The following KMT5B variants were observed in gnomAD, a reference collection of about 807,000 sequenced individuals.
KMT5B encodes histone-lysine N-methyltransferase KMT5B.
In KMT5B, 10 loss-of-function variants were observed where a neutral mutation model predicts 83.2. That is an observed-to-expected ratio of 0.12 (90% confidence interval 0.07 to 0.20). KMT5B has a LOEUF of 0.20. Among genes scored for constraint, KMT5B ranks in the 10% least tolerant of loss-of-function variants. The pLI, the probability that KMT5B is intolerant of heterozygous loss-of-function variation, is 1.00. For missense variants in KMT5B, 753 were observed against 1,067.2 expected, an observed-to-expected ratio of 0.71 and a Z score of 4.10; for synonymous variants, 349 against 388.8, an observed-to-expected ratio of 0.90 and a Z score of 1.20.
In KMT5B at chr11:68,158,500, G is replaced by C; in HGVS notation, c.1846C>G (p.Gln616Glu). ...GCAAACTGTTTCACAAGTTTTCCTT[G>C]TCGTGACTTCTTTTTGGACATGCCT... ...DTGMSKKKSR[Q>E]GKLVKQFAKI... The change falls in exon 11 of 11, where the codon CAA becomes GAA. Residue 616 changes from glutamine to glutamate, a missense_variant. By Grantham distance (29) the Gln-to-Glu change is conservative (BLOSUM62 2). Around this residue, in one of 9 missense-constraint regions of KMT5B, gnomAD observed 397 missense variants for 395.9 expected, o/e 1.00. Coordinates refer to ENST00000304363, the MANE Select transcript of KMT5B (RefSeq NM_017635.5). The C allele has an allele frequency of 6.2e-7, 1 of 1,614,128 alleles. No homozygotes were observed. Among genetic ancestry groups the C allele is most frequent in the East Asian group, 2.2e-5 (1 of 44,884 alleles).
At chr11:68,170,970 G>T (rs1427566464) in intron 9 of KMT5B, 45 bp downstream of exon 9, 5 of 1,547,230 alleles carry the variant, frequency 3.2e-6, no homozygotes, top group Non-Finnish European at 3.5e-6. Flanking sequence ...TAATCAGGTT[G>T]TTAACAAAAA....
At position 68,180,144 on chromosome 11, in the gene KMT5B, T is replaced by C; in HGVS notation, c.365A>G (p.Asn122Ser). 6.3e-7 allele frequency: 1 copy of C among 1,578,312 alleles called. No homozygotes were observed. The highest frequency in any genetic ancestry group is 8.7e-7 in the Non-Finnish European group (1 of 1,152,304). ...HFSKSDSFSH[N>S]NPVRFRPIKG... The stretch of plus-strand genomic sequence containing the variant: ...ACACACTACCTACCTCACAGGGTTG[T>C]TGTGAGAAAAACTGTCAGATTTTGA... The change falls in exon 4 of 11, where the codon AAC becomes AGC. Residue 122 changes from asparagine (N) to serine (S), a missense_variant. This residue lies in a region of KMT5B where 71 missense variants were observed against 107.0 expected (regional missense o/e 0.66). Transcript: ENST00000304363.
Position 68,158,584 on chromosome 11 carries a change from C to T in KMT5B, c.1762G>A (p.Glu588Lys). Residue 588 changes from glutamate (E) to lysine (K), a missense_variant, in exon 11 of 11, where the codon GAA becomes AAA. By Grantham distance (56) the Glu-to-Lys change is moderately conservative (BLOSUM62 1). Around this residue, in one of 9 missense-constraint regions of KMT5B, gnomAD observed 397 missense variants for 395.9 expected, o/e 1.00. Transcript: ENST00000304363. ...QLQPAPVLQE[E>K]ELAHETAQKG... ...TGTGCAGTCTCATGAGCCAGTTCTT[C>T]CTCCTGCAGCACAGGAGCTGGCTGC... 1.2e-6 allele frequency: 2 copies of T among 1,614,178 alleles called. No individual in the cohort carries two copies. Among genetic ancestry groups the T allele is most frequent in the African/African-American group, 1.3e-5 (1 of 75,042 alleles).
At position 68,158,213 on chromosome 11, in the gene KMT5B, A is replaced by G. The variant is rs1859442386; in HGVS notation, c.2133T>C (p.Asn711=). 6.2e-7 allele frequency: 1 copy of G among 1,614,074 alleles called. No homozygotes were observed. Among genetic ancestry groups the G allele is most frequent in the Non-Finnish European group, 8.5e-7 (1 of 1,180,020 alleles). Reference sequence around the variant, plus strand: ...GAGTCAATTTGGGAATCCCAGAGTTATTTTCTAGGATTAACTGTGCATCAT... The same window carrying G: ...GAGTCAATTTGGGAATCCCAGAGTTGTTTTCTAGGATTAACTGTGCATCAT... ...TRYDAQLILE[N]NSGIPKLTLR... is the part of the protein sequence containing the mutation. The change falls in exon 11 of 11, where the codon AAT becomes AAC. Residue 711 remains asparagine, a synonymous_variant. Transcript: ENST00000304363.
chr11:68,209,804 G>A (rs901697381), intron 1 of KMT5B, among the ~76,000 whole-genome samples: 4 of 151,796 alleles, frequency 2.6e-5, no homozygotes, highest in African/African-American at 9.7e-5. Flanking sequence ...TGAGCCACGT[G>A]TACCACCTAG....
intron 1 of KMT5B, among the ~76,000 whole-genome samples, chr11:68,200,692 T>A (rs12801002): frequency 0.12 from 18,423 of 152,208 alleles, 1,269 homozygotes; most frequent in East Asian, 0.23. Flanking sequence ...GTTAAAAAAA[T>A]TTTTTTAAAC....
chr11:68,180,279 C>G, intron 3 of KMT5B, 79 bp from the exon 4 acceptor site: 1 of 1,499,698 alleles, frequency 6.7e-7, no homozygotes, highest in East Asian at 2.5e-5. Context: ...AACAGACTTA[C>G]AATATTCGTT....
chr11:68,163,928 A>C (rs1855070444), intron 10 of KMT5B, among the ~76,000 whole-genome samples: 1 of 152,150 alleles, frequency 6.6e-6, no homozygotes, highest in Non-Finnish European at 1.5e-5. Flanking sequence ...CCTCTGGCCG[A>C]TTCTTCTGGG....
intron 4 of KMT5B, among the ~76,000 whole-genome samples, chr11:68,178,140 C>T (rs1448905471): frequency 6.6e-6 from 1 of 152,150 alleles, no homozygotes; most frequent in African/African-American, 2.4e-5. Flanking sequence ...AATGACAGGG[C>T]TACAAACGAC....
At chr11:68,204,146 A>C (rs575838579) in intron 1 of KMT5B, among the ~76,000 whole-genome samples, 2 of 152,260 alleles carry the variant, frequency 1.3e-5, no homozygotes, top group African/African-American at 4.8e-5. Context: ...CTGCCCTTTC[A>C]GAATAAAACG....
chr11:68,183,817 AC>A (rs1475820582), intron 3 of KMT5B, among the ~76,000 whole-genome samples: 1 of 142,344 alleles, frequency 7.0e-6, no homozygotes, highest in African/African-American at 2.6e-5. Context: ...GCACCACCAC[AC>A]CCAGCTAATT....
At chr11:68,191,893 C>T (rs1858124909) in intron 1 of KMT5B, among the ~76,000 whole-genome samples, 1 of 152,222 alleles carries the variant, frequency 6.6e-6, no homozygotes, top group Non-Finnish European at 1.5e-5. Flanking sequence ...AACTTCAAAT[C>T]CTGCAAGTTC....
chr11:68,168,955 G>A (rs1413357777), intron 9 of KMT5B, among the ~76,000 whole-genome samples: 1 of 152,062 alleles, frequency 6.6e-6, no homozygotes, highest in Non-Finnish European at 1.5e-5. Flanking sequence ...AATGAATAAT[G>A]GAATGAGCTC....
chr11:68,159,311 C>T, intron 10 of KMT5B, 140 bp from the exon 11 acceptor site: 1 of 1,204,322 alleles, frequency 8.3e-7, no homozygotes, highest in East Asian at 2.6e-5. Flanking sequence ...CAGATTCTGC[C>T]AGCGCACCTG....
intron 10 of KMT5B, among the ~76,000 whole-genome samples, chr11:68,159,782 C>G (rs997690845): frequency 1.3e-5 from 2 of 152,230 alleles, no homozygotes. Context: ...TCTAAGTTGT[C>G]CCCTTCAACT....
At chr11:68,176,283 GTATT>G (rs1224557437) in intron 4 of KMT5B, among the ~76,000 whole-genome samples, 2 of 152,098 alleles carry the variant, frequency 1.3e-5, no homozygotes, top group African/African-American at 4.8e-5. Context: ...CATTAGGTCT[GTATT>G]TATGCATGAT....
intron 4 of KMT5B, chr11:68,179,396 A>G (rs757386152): frequency 1.5e-5 from 19 of 1,246,082 alleles, no homozygotes; most frequent in Non-Finnish European, 2.0e-5. Flanking sequence ...TATAAGAAAA[A>G]TAAAAATGTC....
At chr11:68,207,945 T>C (rs979129057) in intron 1 of KMT5B, among the ~76,000 whole-genome samples, 1 of 150,698 alleles carries the variant, frequency 6.6e-6, no homozygotes, top group Non-Finnish European at 1.5e-5. Flanking sequence ...GTTCAAGGAA[T>C]TCTCTGTCTC....
intron 1 of KMT5B, among the ~76,000 whole-genome samples, chr11:68,201,709 T>C (rs552668434): frequency 3.9e-5 from 6 of 152,178 alleles, no homozygotes; most frequent in Admixed American, 3.3e-4. Flanking sequence ...GCAAACAGTT[T>C]ATCTTAGAGA....
Sources: allele counts gnomAD v4.1 joint callset (sites outside exome capture counted in the v4.1 genomes callset), GRCh38; gene constraint gnomAD v4.1.1; regional missense constraint gnomAD v4.1.1; transcripts MANE v1.5; gene names NCBI Gene and HGNC (gene_info 2026-07-23, HGNC 2026-07-21).